Variants in ABCD4 observed in about 807,000 individuals in gnomAD.
ABCD4 encodes lysosomal cobalamin transporter ABCD4.
In ABCD4, 53 loss-of-function variants were observed where a neutral mutation model predicts 86.3. The ratio of observed to expected loss-of-function variants is 0.61; its 90% CI spans 0.49 to 0.77. The LOEUF is 0.77. ABCD4 is among the 30% of genes least tolerant of loss of function. The pLI is 0.00. For missense variants in ABCD4, 757 were observed against 764.5 expected, an observed-to-expected ratio of 0.99 and a Z score of 0.12; for synonymous variants, 328 against 313.6, an observed-to-expected ratio of 1.05 and a Z score of -0.49.
At chr14:74,298,107 C>T (rs959968097) in intron 3 of ABCD4, 38 bp from the exon 4 acceptor site, 1 of 1,604,432 alleles carries the variant, frequency 6.2e-7, no homozygotes, top group Non-Finnish European at 8.5e-7. Flanking sequence ...GGAGAGATGG[C>T]TTCCTGAAAA....
rs1644221026 is a variant in ABCD4 at position 74,288,286 on chromosome 14, T to C, written c.1507-27A>G. 3 of 1,598,454 alleles carry C rather than the reference T, an allele frequency of 1.9e-6. No individual in the cohort carries two copies. The African/African-American group carries it at 4.0e-5, about 21-fold the overall frequency. ...TGTAACAGACCCAGAGGGCAGGATG[T>C]CCATGAAATGGCCAGCCCTGCTACC... On this transcript the variant is annotated intron_variant, in intron 15 of 18. Transcript: ENST00000356924.
At position 74,286,704 on chromosome 14, in the gene ABCD4, C is replaced by T; in HGVS notation, c.1749G>A (p.Glu583=). Residue 583 remains glutamate (E), a synonymous_variant, in exon 18 of 19, where the codon GAG becomes GAA. Coordinates refer to ENST00000356924, the MANE Select transcript of ABCD4 (RefSeq NM_005050.4). The part of the protein sequence containing the change: ...FISVGHRQSL[E]KFHSLVLKLC... The stretch of plus-strand genomic sequence containing the variant: ...CCATCCTTGTGAGCACGGGTACCTT[C>T]TCAAGGCTCTGCCGATGTCCCACAC... 6.2e-7 allele frequency: 1 copy of T among 1,614,124 alleles called. No individual in the cohort carries two copies. Among genetic ancestry groups the T allele is most frequent in the Non-Finnish European group, 8.5e-7 (1 of 1,180,038 alleles).
intron 12 of ABCD4, 74 bp from the exon 13 acceptor site, chr14:74,290,192 TC>T: frequency 1.2e-6 from 2 of 1,610,892 alleles, no homozygotes; most frequent in Non-Finnish European, 1.7e-6. Flanking sequence ...TCTTCCTTGT[TC>T]CCCAACAGAA....
At chr14:74,287,358 G>A (rs2080056753) in intron 17 of ABCD4, among the ~76,000 whole-genome samples, 1 of 152,052 alleles carries the variant, frequency 6.6e-6, no homozygotes, top group South Asian at 2.1e-4. Flanking sequence ...AGACCAGCCT[G>A]GGCAACATAG....
Position 74,289,519 on chromosome 14 carries a change from C to T in ABCD4, c.1420G>A (p.Val474Met). The T allele has an allele frequency of 1.2e-6, 2 of 1,613,628 alleles. No homozygotes were observed. The highest frequency in any genetic ancestry group is 1.7e-6 in the Non-Finnish European group (2 of 1,179,862). Residue 474 changes from valine (V) to methionine (M), a missense_variant and splice_region_variant, in exon 14 of 19, where the codon GTG becomes ATG. Physicochemically the swap from Val to Met is conservative, Grantham distance 21. Transcript: ENST00000356924. ...FFTDGTLREQ[V>M]IYPLKEVYPD... Reference sequence around the variant, plus strand: ...TAGACCTCCTTCAGGGGATATATCACCTGAGAAAAGAAAAAAACCACACCA... The same window carrying T: ...TAGACCTCCTTCAGGGGATATATCATCTGAGAAAAGAAAAAAACCACACCA...
rs774159545 is a variant in ABCD4, at chr14:74,302,894, C to A, written c.19G>T (p.Ala7Ser). 1.9e-6 allele frequency: 3 copies of A among 1,606,794 alleles called. No individual in the cohort carries two copies. Among genetic ancestry groups the A allele is most frequent in the African/African-American group, 1.3e-5 (1 of 74,354 alleles). The part of the protein sequence containing the change: MAVAGP[A>S]PGAGARPRLD... ...GCTTACCTGGCGCCAGCTCCGGGCG[C>A]GGGCCCCGCGACCGCCATGACCTGA... is the stretch of plus-strand genomic sequence containing the variant. The change falls in exon 1 of 19, where the codon GCG (alanine) becomes TCG (serine). Residue 7 changes from alanine to serine, a missense_variant. Transcript: ENST00000356924.
chr14:74,295,993 A>G lies in ABCD4; in HGVS notation c.543-14T>C, dbSNP rs79311122. ...AGCCAGCCTGTGCTGAAATAGAGAG[A>G]GAGGGAGAGAAGGGAGAGGGTGTGG... On this transcript the variant is annotated splice_polypyrimidine_tract_variant and intron_variant, in intron 5 of 18. Transcript: ENST00000356924. 6.5e-3 allele frequency: 10,370 copies of G among 1,591,368 alleles called. 49 individuals carry two copies. The highest frequency in any genetic ancestry group is 7.2e-3 in the Non-Finnish European group (8,443 of 1,171,862).
intron 10 of ABCD4, 64 bp from the exon 11 acceptor site, chr14:74,292,440 T>G (rs1340076752): frequency 6.3e-7 from 1 of 1,595,148 alleles, no homozygotes; most frequent in Non-Finnish European, 8.6e-7. Flanking sequence ...CTCCTTTTCC[T>G]ATCTCACACC....
intron 17 of ABCD4, among the ~76,000 whole-genome samples, chr14:74,287,535 C>CA (rs1942668802): frequency 7.7e-6 from 1 of 130,304 alleles, no homozygotes; most frequent in South Asian, 2.4e-4. Flanking sequence ...GCCTGGGTGA[C>CA]AGAGTGAGAC....
chr14:74,299,667 CAA>C lies in ABCD4; in HGVS notation c.164_165del (p.Phe55CysfsTer25). On this transcript the variant is annotated frameshift_variant, in exon 3 of 19. Coordinates refer to ENST00000356924, the MANE Select transcript of ABCD4 (RefSeq NM_005050.4). LOFTEE classifies it high-confidence loss of function. ...GGGATCAAGCCAACCTGGTAGATCA[CAA>C]ATTGCTCTGAAAGGAGGGAGAGGAG... ...TLLCLTLLEQFVIYQVGLIPS... is the reference protein window; with the variant it reads ...TLLCLTLLEQXVIYQVGLIPS... The C allele has an allele frequency of 6.2e-7, 1 of 1,612,434 alleles. No homozygotes were observed. Among genetic ancestry groups the C allele is most frequent in the Non-Finnish European group, 8.5e-7 (1 of 1,179,166 alleles).
intron 7 of ABCD4, chr14:74,293,451 G>T: frequency 2.0e-6 from 1 of 497,796 alleles, no homozygotes; most frequent in Non-Finnish European, 3.5e-6. Flanking sequence ...AAACTCTAGA[G>T]TTGGGCAGAC....
chr14:74,297,677 A>G (rs1415886765), intron 4 of ABCD4: 2 of 1,160,348 alleles, frequency 1.7e-6, no homozygotes, highest in Non-Finnish European at 2.1e-6. Context: ...CTCCTGCCTC[A>G]GCCTCCTGAG....
At chr14:74,287,946 T>C in intron 16 of ABCD4, 60 bp from the exon 17 acceptor site, 1 of 1,460,402 alleles carries the variant, frequency 6.8e-7, no homozygotes, top group Non-Finnish European at 9.5e-7. Flanking sequence ...GGCTTTTACC[T>C]AGAATGGTCT....
At chr14:74,296,000 G>GAGAAGAAGGGAGAGA (rs112179522) in intron 5 of ABCD4, 21 bp from the exon 6 acceptor site, 1 of 1,586,980 alleles carries the variant, frequency 6.3e-7, no homozygotes, top group African/African-American at 1.4e-5. Flanking sequence ...GAGAGAGGGA[G>GAGAAGAAGGGAGAGA]AGAAGGGAGA....
chr14:74,290,022 C>A lies in ABCD4; in HGVS notation c.1419+5G>T. 6.2e-7 allele frequency: 1 copy of A among 1,614,132 alleles called. No homozygotes were observed. The highest frequency in any genetic ancestry group is 8.5e-7 in the Non-Finnish European group (1 of 1,180,008). ...GGAGGAGTGAGCCCCCTGAACTAGA[C>A]TGACCTGCTCCCGAAGGGTCCCGTC... On this transcript the variant is annotated splice_donor_5th_base_variant and intron_variant, in intron 13 of 18. Transcript: ENST00000356924.
intron 12 of ABCD4, 54 bp downstream of exon 12, chr14:74,290,237 A>G (rs2081105142): frequency 1.9e-6 from 3 of 1,611,208 alleles, no homozygotes; most frequent in African/African-American, 2.7e-5. Context: ...CCCCGCCTTC[A>G]CCCCACCCCT....
intron 7 of ABCD4, 111 bp from the exon 8 acceptor site, chr14:74,293,359 C>CCTGAGACCAAGATCA: frequency 2.1e-6 from 2 of 967,348 alleles, no homozygotes; most frequent in Non-Finnish European, 3.1e-6. Context: ...TTCAAATGAT[C>CCTGAGACCAAGATCA]TTGGTCTCAG....
intron 7 of ABCD4, chr14:74,294,875 T>C: frequency 2.0e-6 from 1 of 503,120 alleles, no homozygotes; most frequent in South Asian, 2.8e-5. Context: ...AGCAAGAGGA[T>C]GAGGCATTCA....
intron 7 of ABCD4, chr14:74,294,916 G>T: frequency 5.3e-6 from 3 of 567,416 alleles, no homozygotes; most frequent in Non-Finnish European, 9.4e-6. Flanking sequence ...CCCACGCTAG[G>T]CCACTAAGAC....
Sources: gnomAD v4.1 joint callset for allele counts (sites outside exome capture counted in the v4.1 genomes callset) on GRCh38, gnomAD v4.1.1 for gene constraint, MANE v1.5 for transcripts, NCBI Gene and HGNC (gene_info 2026-07-23, HGNC 2026-07-21) for gene names.